Variants in NAA38 observed in about 807,000 individuals in gnomAD.
The protein encoded by NAA38 is LSM domain containing 1.
Under a neutral mutation model 12.6 loss-of-function variants are expected in NAA38, and 15 were observed. The observed-to-expected ratio is 1.19, with a 90% CI of 0.79 to 1.83. NAA38 has a LOEUF of 1.83. NAA38 is among the 40% of genes most tolerant of loss of function. NAA38 has a pLI of 0.00. For missense variants in NAA38, 183 were observed against 171.7 expected (o/e 1.07, Z -0.37); for synonymous variants, 88 against 69.9 (o/e 1.26, Z -1.29).
At chr17:7,884,476 A>G (rs868814149) in intron 1 of NAA38, among the ~76,000 whole-genome samples, 77 of 126,604 alleles carry the variant, frequency 6.1e-4, no homozygotes, top group South Asian at 2.2e-3. Context: ...ATATATATAT[A>G]TGTATATATA....
chr17:7,875,027 C>G (rs1259956575), intron 2 of NAA38, among the ~76,000 whole-genome samples: 1 of 151,748 alleles, frequency 6.6e-6, no homozygotes, highest in Non-Finnish European at 1.5e-5. Context: ...GAGATCCCAT[C>G]TCTACAAAAA....
In NAA38 at chr17:7,856,845, T is replaced by G; in HGVS notation, c.266-2A>C. The G allele has an allele frequency of 1.2e-6, 2 of 1,613,480 alleles. No individual in the cohort carries two copies. Among genetic ancestry groups the G allele is most frequent in the Non-Finnish European group, 1.7e-6 (2 of 1,179,908 alleles). ...GGGGCTCCCCGGCAGAGAAGGAATC[T>G]GGAAAGAAGGATCAGAGCATCAGGA... On this transcript the variant is annotated splice_acceptor_variant, in intron 2 of 2. Coordinates refer to ENST00000575771, the MANE Select transcript of NAA38 (RefSeq NM_001320925.4). LOFTEE classifies it high-confidence loss of function.
upstream of NAA38, chr17:7,862,723 G>C (rs945130734): frequency 1.1e-5 from 1 of 91,066 alleles, no homozygotes; most frequent in African/African-American, 4.4e-5. Context: ...TGGGCAACAA[G>C]AACGAAACTC....
chr17:7,884,931 A>G, intron 1 of NAA38: 1 of 1,386,282 alleles, frequency 7.2e-7, no homozygotes, highest in East Asian at 3.1e-5. Context: ...GCCGACGAGG[A>G]CGATGAGGAG....
chr17:7,866,789 AT>A (rs1271561713), intron 2 of NAA38, among the ~76,000 whole-genome samples: 2 of 151,964 alleles, frequency 1.3e-5, no homozygotes, highest in African/African-American at 4.8e-5. Context: ...TTTAATGTCC[AT>A]TTTCTTCCCT....
chr17:7,881,824 A>G (rs1967277709), intron 2 of NAA38, among the ~76,000 whole-genome samples: 1 of 150,978 alleles, frequency 6.6e-6, no homozygotes, highest in Non-Finnish European at 1.5e-5. Flanking sequence ...AAAGTGATAG[A>G]GACAGGCAGG....
chr17:7,872,367 T>C (rs954830779), intron 2 of NAA38, among the ~76,000 whole-genome samples: 10 of 149,972 alleles, frequency 6.7e-5, no homozygotes, highest in African/African-American at 2.5e-4. Flanking sequence ...CAGAATTACA[T>C]TTTTTGTTTT....
chr17:7,861,898 C>T (rs1350741470), upstream of NAA38: 2 of 152,246 alleles, frequency 1.3e-5, no homozygotes, highest in East Asian at 3.8e-4. Context: ...AAATCAGGCT[C>T]ATCTCGCAAC....
chr17:7,859,719 C>A, upstream of NAA38: 1 of 923,038 alleles, frequency 1.1e-6, no homozygotes, highest in Non-Finnish European at 1.7e-6. Flanking sequence ...CCCAGATCTC[C>A]ACTCCTCTCC....
rs1966985658 is a variant in NAA38 at position 7,866,490 on chromosome 17, C to T, written c.3+1G>A. The T allele has an allele frequency of 8.1e-7, 1 of 1,231,314 alleles. No individual in the cohort carries two copies. The highest frequency in any genetic ancestry group is 1.6e-5 in the African/African-American group (1 of 64,286). The allele number at this position is 1,231,314 out of a possible 1,614,324, so 76.3% of individuals were successfully genotyped here. A position where few individuals can be genotyped will look rare whatever the true frequency, so the allele number is the denominator to read the frequency against. ...CTTAAGATGAACTTAGAAACCCTTA[C>T]CATGGTCCAGAAGGTAAGATTTGGC... On this transcript the variant is annotated splice_donor_variant, in intron 3 of 4. Transcript: ENST00000576861. LOFTEE classifies it high-confidence loss of function.
At chr17:7,873,403 A>G (rs1967120234) in intron 2 of NAA38, among the ~76,000 whole-genome samples, 1 of 152,168 alleles carries the variant, frequency 6.6e-6, no homozygotes, top group South Asian at 2.1e-4. Context: ...GGTTGTTGGT[A>G]ATTTGGTGAA....
At chr17:7,865,925 A>C (rs1056872606) in intron 3 of NAA38, 1 of 152,092 alleles carries the variant, frequency 6.6e-6, no homozygotes, top group Non-Finnish European at 1.5e-5. Context: ...AATGATACTG[A>C]GCATCTGTCA....
At chr17:7,868,669 G>T (rs1277401995) in intron 2 of NAA38, among the ~76,000 whole-genome samples, 1 of 152,118 alleles carries the variant, frequency 6.6e-6, no homozygotes, top group African/African-American at 2.4e-5. Context: ...CCTTGGAAAA[G>T]ACACTCAGAA....
intron 2 of NAA38, among the ~76,000 whole-genome samples, chr17:7,877,372 A>ATT (rs112052153): frequency 0.063 from 9,268 of 146,136 alleles, 470 homozygotes; most frequent in East Asian, 0.27. Flanking sequence ...AAATGATGTC[A>ATT]TTTTTTTTTT....
intron 1 of NAA38, chr17:7,884,906 G>A (rs1474319294): frequency 1.4e-6 from 2 of 1,413,724 alleles, no homozygotes; most frequent in Non-Finnish European, 1.9e-6. Context: ...GGAGGAGGAG[G>A]AGGAGGTGGA....
Position 7,856,793 on chromosome 17 carries a change from C to T in NAA38, c.316G>A (p.Gly106Arg). Residue 106 changes from glycine (G) to arginine (R), a missense_variant, in exon 3 of 3, where the codon GGA (glycine) becomes AGA (arginine). Physicochemically the swap from Gly to Arg is moderately radical, Grantham distance 125. Coordinates refer to ENST00000575771, the MANE Select transcript of NAA38 (RefSeq NM_001320925.4). ...ACCTCAATGGAAACGATGTGGTGTC[C>T]GGGTACCATGGCCAGGCCCAGCACA... Reference protein sequence around the residue: ...PRVLGLAMVPGHHIVSIEVQR... With the variant: ...PRVLGLAMVPRHHIVSIEVQR... 6.2e-7 allele frequency: 1 copy of T among 1,613,960 alleles called. No individual in the cohort carries two copies. Among genetic ancestry groups the T allele is most frequent in the Non-Finnish European group, 8.5e-7 (1 of 1,180,018 alleles).
upstream of NAA38, chr17:7,858,961 A>G (rs948413889): frequency 3.3e-5 from 26 of 785,216 alleles, no homozygotes; most frequent in Admixed American, 2.6e-4. Context: ...CAACTGAGGA[A>G]AGCACAGCAC....
At chr17:7,859,568 C>T (rs147779459), upstream of NAA38, 21 of 1,614,156 alleles carry the variant, frequency 1.3e-5, no homozygotes, top group East Asian at 2.5e-4. Context: ...ACTTCACACA[C>T]CTGCAATACT....
intron 2 of NAA38, among the ~76,000 whole-genome samples, chr17:7,867,095 G>C (rs573250889): frequency 1.3e-5 from 2 of 152,160 alleles, no homozygotes; most frequent in South Asian, 4.1e-4. Flanking sequence ...TTCCTGCACA[G>C]GATAAGTAGC....
Sources: gnomAD v4.1 joint callset for allele counts (sites outside exome capture counted in the v4.1 genomes callset) on GRCh38, gnomAD v4.1.1 for gene constraint, MANE v1.5 for transcripts, NCBI Gene and HGNC (gene_info 2026-07-23, HGNC 2026-07-21) for gene names.